The following RBMS3 variants were observed in gnomAD, a reference collection of about 807,000 sequenced individuals.
RBMS3 encodes RNA-binding motif, single-stranded-interacting protein 3.
RBMS3 carries 27 observed loss-of-function variants against 66.8 expected under a neutral mutation model. The observed-to-expected ratio is 0.40, with a 90% CI of 0.30 to 0.56. The LOEUF (loss-of-function observed/expected upper bound fraction) is 0.56, where lower values mean the gene tolerates loss of function less well. Among genes scored for constraint, RBMS3 ranks in the 20% least tolerant of loss-of-function variants. RBMS3 has a pLI of 0.40. For synonymous variants in RBMS3, 188 were observed against 183.0 expected, an observed-to-expected ratio of 1.03 and a Z score of -0.22; for missense variants, 513 against 549.5, an observed-to-expected ratio of 0.93 and a Z score of 0.66.
At chr3:29,701,834 TGC>T (rs57381207) in intron 4 of RBMS3, among the ~76,000 whole-genome samples, 18,814 of 151,970 alleles carry the variant, frequency 0.12, 2,469 homozygotes, top group African/African-American at 0.33. Flanking sequence ...ACCTGAAGCC[TGC>T]GCGCAGCCGG....
rs1699831730 is a variant in RBMS3 at position 30,007,380 on chromosome 3, A to G, written c.*3518A>G. On this transcript the variant is annotated 3_prime_UTR_variant, in exon 15 of 15. Coordinates refer to ENST00000383767, the MANE Select transcript of RBMS3 (RefSeq NM_001003793.3). ...TGCATTCTGGTCCACCAGATTTTCA[A>G]GCATTTATTTGGATGTTTCCATTTT... 1 of 151,986 alleles carries G rather than the reference A, an allele frequency of 6.6e-6. No individual in the cohort carries two copies. Among genetic ancestry groups the G allele is most frequent in the African/African-American group, 2.4e-5 (1 of 41,398 alleles). The allele number at this position is 151,986 out of a possible 1,614,324, so 9.4% of individuals were successfully genotyped here. A position where few individuals can be genotyped will look rare whatever the true frequency, so the allele number is the denominator to read the frequency against.
intron 10 of RBMS3, among the ~76,000 whole-genome samples, chr3:29,920,853 CAAA>C (rs10576471): frequency 2.0e-4 from 20 of 98,018 alleles, no homozygotes; most frequent in Non-Finnish European, 3.2e-4. Context: ...CACGTGGTCT[CAAA>C]AAAAAAAAAA....
At chr3:29,425,289 G>A (rs567849138) in intron 1 of RBMS3, among the ~76,000 whole-genome samples, 1 of 150,786 alleles carries the variant, frequency 6.6e-6, no homozygotes, top group South Asian at 2.1e-4. Context: ...CAGGAGAATC[G>A]CTTGAACCCA....
chr3:29,497,973 A>ATTTTCTTTT (rs2043819092), intron 3 of RBMS3, among the ~76,000 whole-genome samples: 1 of 43,416 alleles, frequency 2.3e-5, no homozygotes, highest in African/African-American at 9.9e-5. Flanking sequence ...AAAAGTATTC[A>ATTTTCTTTT]TTTTTTTTTT....
intron 4 of RBMS3, among the ~76,000 whole-genome samples, chr3:29,626,319 A>C (rs1655864237): frequency 6.6e-6 from 1 of 152,178 alleles, no homozygotes; most frequent in African/African-American, 2.4e-5. Context: ...GAATGCAAAA[A>C]ATGATAATAA....
intron 3 of RBMS3, among the ~76,000 whole-genome samples, chr3:29,582,473 T>A (rs1428205172): frequency 1.3e-5 from 2 of 152,128 alleles, no homozygotes; most frequent in South Asian, 2.1e-4. Context: ...ACAGTGACAT[T>A]CAGTTTTAAT....
chr3:29,915,815 TA>T (rs1306179650), intron 10 of RBMS3, among the ~76,000 whole-genome samples: 2 of 152,052 alleles, frequency 1.3e-5, no homozygotes, highest in Non-Finnish European at 2.9e-5. Flanking sequence ...TTCACTTTTG[TA>T]ATTCTAACAA....
At position 29,899,635 on chromosome 3, in the gene RBMS3, C is replaced by T. The variant is rs907423107; in HGVS notation, c.889-70C>T. Reference sequence around the variant, plus strand: ...TCCACTTTCTTATGACCTAGTGTGACTCCACTGAACACAAGAACCAAGTTC... The same window carrying T: ...TCCACTTTCTTATGACCTAGTGTGATTCCACTGAACACAAGAACCAAGTTC... On this transcript the variant is annotated intron_variant, in intron 9 of 14. Coordinates refer to ENST00000383767, the MANE Select transcript of RBMS3 (RefSeq NM_001003793.3). The T allele has an allele frequency of 3.6e-6, 5 of 1,402,100 alleles. No homozygotes were observed. The African/African-American group carries it at 4.3e-5, about 12-fold the overall frequency. 86.9% of individuals were successfully genotyped at this position (1,402,100 alleles called of 1,614,324 possible). A position where few individuals can be genotyped will look rare whatever the true frequency, so the allele number is the denominator to read the frequency against.
chr3:29,670,376 G>A (rs2050944735), intron 4 of RBMS3, among the ~76,000 whole-genome samples: 1 of 152,190 alleles, frequency 6.6e-6, no homozygotes, highest in African/African-American at 2.4e-5. Flanking sequence ...TTCCAACTCA[G>A]GTACTGGGTT....
At position 29,385,247 on chromosome 3, in the gene RBMS3, G is replaced by A. The variant is rs147268727; in HGVS notation, c.76-49496G>A. Among the ~76,000 whole-genome samples the A allele has an allele frequency of 1.2e-3, 188 of 152,214 alleles. 1 individual carries two copies. The highest frequency in any genetic ancestry group is 0.011 in the South Asian group (55 of 4,820). ...TAAAGTGACCACAGTTGTTTTTAATGCCCAGCAGACCTTCGCAACTAATCC... is the reference window on the plus strand; with the variant it reads ...TAAAGTGACCACAGTTGTTTTTAATACCCAGCAGACCTTCGCAACTAATCC... On this transcript the variant is annotated intron_variant, in intron 1 of 14. Transcript: ENST00000383767.
At chr3:29,554,301 A>G (rs1248370233) in intron 3 of RBMS3, among the ~76,000 whole-genome samples, 1 of 152,224 alleles carries the variant, frequency 6.6e-6, no homozygotes, top group Non-Finnish European at 1.5e-5. Context: ...CTATTCTCTT[A>G]GCCTTTGGCT....
Position 29,809,173 on chromosome 3 carries a change from CAT to C in RBMS3, c.637+46185_637+46186del, listed in dbSNP as rs559101607. Among the ~76,000 whole-genome samples the C allele has an allele frequency of 2.8e-4, 42 of 151,702 alleles. No homozygotes were observed. The South Asian group carries it at 7.3e-3, about 26-fold the overall frequency. On this transcript the variant is annotated intron_variant, in intron 6 of 14. Coordinates refer to ENST00000383767, the MANE Select transcript of RBMS3 (RefSeq NM_001003793.3). ...ATCTCAGATTTTAAGAGTTTAATGA[CAT>C]GTTATAAGAAATTAATAATTTATCT...
At chr3:29,403,525 A>G (rs1342196754) in intron 1 of RBMS3, among the ~76,000 whole-genome samples, 1 of 152,056 alleles carries the variant, frequency 6.6e-6, no homozygotes, top group Non-Finnish European at 1.5e-5. Context: ...AGAACATGTA[A>G]GAACAGCACC....
chr3:29,328,738 G>A (rs1184624246), intron 1 of RBMS3, among the ~76,000 whole-genome samples: 2 of 152,088 alleles, frequency 1.3e-5, no homozygotes, highest in African/African-American at 4.8e-5. Context: ...TCTCATAAAG[G>A]TGCTCAGAGC....
chr3:29,416,898 T>G (rs58213786), intron 1 of RBMS3, among the ~76,000 whole-genome samples: 18,768 of 152,140 alleles, frequency 0.12, 1,345 homozygotes, highest in East Asian at 0.29. Flanking sequence ...TTCCTACCAT[T>G]CTTACCTTAT....
intron 1 of RBMS3, among the ~76,000 whole-genome samples, chr3:29,350,858 A>G (rs1402342909): frequency 6.6e-6 from 1 of 152,084 alleles, no homozygotes; most frequent in Non-Finnish European, 1.5e-5. Context: ...CAAAGTAAAA[A>G]CAAAAAACTA....
intron 3 of RBMS3, among the ~76,000 whole-genome samples, chr3:29,524,585 G>T (rs1006578483): frequency 2.0e-5 from 3 of 151,484 alleles, no homozygotes; most frequent in South Asian, 2.1e-4. Context: ...GAACCACTGC[G>T]CCCAGCCAAC....
intron 7 of RBMS3, among the ~76,000 whole-genome samples, chr3:29,872,187 A>G (rs763148653): frequency 2.6e-5 from 4 of 152,060 alleles, no homozygotes; most frequent in Admixed American, 6.6e-5. Flanking sequence ...GGATCCCTTT[A>G]TACTCTTAAA....
At chr3:29,911,937 G>A (rs143766402) in intron 10 of RBMS3, among the ~76,000 whole-genome samples, 118 of 151,914 alleles carry the variant, frequency 7.8e-4, no homozygotes, top group African/African-American at 2.7e-3. Context: ...AAGTTCATCA[G>A]GTTATATTCA....
Sources: allele counts gnomAD v4.1 joint callset (sites outside exome capture counted in the v4.1 genomes callset), GRCh38; gene constraint gnomAD v4.1.1; transcripts MANE v1.5; gene names NCBI Gene and HGNC (gene_info 2026-07-23, HGNC 2026-07-21).